Variants in SLCO2B1 observed in about 807,000 individuals in gnomAD.
SLCO2B1 encodes solute carrier organic anion transporter family member 2B1.
Under a neutral mutation model 67.3 loss-of-function variants are expected in SLCO2B1, and 41 were observed. The ratio of observed to expected loss-of-function variants is 0.61; its 90% confidence interval spans 0.47 to 0.79. The LOEUF is 0.79. SLCO2B1 is among the 30% of genes least tolerant of loss of function. The pLI is 0.00. For missense variants in SLCO2B1, 837 were observed against 920.1 expected (o/e 0.91, Z 1.17); for synonymous variants, 379 against 381.4 (o/e 0.99, Z 0.07).
chr11:75,189,423 G>A (rs1210548518), intron 8 of SLCO2B1, among the ~76,000 whole-genome samples: 4 of 152,260 alleles, frequency 2.6e-5, no homozygotes, highest in Admixed American at 6.5e-5. Flanking sequence ...CAAATGAGAC[G>A]AAACATGGAA....
At chr11:75,156,752 T>G (rs1949752023) in intron 1 of SLCO2B1, among the ~76,000 whole-genome samples, 1 of 152,206 alleles carries the variant, frequency 6.6e-6, no homozygotes, top group African/African-American at 2.4e-5. Flanking sequence ...TATTGCCCAT[T>G]TTTATGGTTA....
rs983968748 is a variant in SLCO2B1 at position 75,205,991 on chromosome 11, G to A, written c.*1411G>A. 3 of 152,188 alleles carry A rather than the reference G, an allele frequency of 2.0e-5. No homozygotes were observed. Among genetic ancestry groups the A allele is most frequent in the African/African-American group, 7.2e-5 (3 of 41,448 alleles). 9.4% of individuals were successfully genotyped at this position (152,188 alleles called of 1,614,324 possible). ...CCTTCTGAGCAGCTCCCAGTGCCAG[G>A]GCTTTGAGACTTTCCCACATGATAA... On this transcript the variant is annotated 3_prime_UTR_variant, in exon 14 of 14. Coordinates refer to ENST00000289575, the MANE Select transcript of SLCO2B1 (RefSeq NM_007256.5).
chr11:75,162,685 A>C lies in SLCO2B1; in HGVS notation c.47A>C (p.Asp16Ala), dbSNP rs1290540695. Residue 16 changes from aspartate to alanine, a missense_variant, in exon 2 of 14, where the codon GAC becomes GCC. Asp to Ala is a moderately radical substitution (Grantham distance 126, BLOSUM62 -2). Transcript: ENST00000289575. ...GPAGEVPQVP[D>A]KETKATMGTE... ...GCGGGTGAGGTACCCCAGGTACCAG[A>C]CAAGGAAACCAAAGCCACAATGGGC... The C allele has an allele frequency of 1.2e-6, 2 of 1,613,738 alleles. No individual in the cohort carries two copies. The highest frequency in any genetic ancestry group is 1.3e-5 in the African/African-American group (1 of 74,882).
At chr11:75,169,860 C>A in intron 6 of SLCO2B1, 96 bp downstream of exon 6, 2 of 960,258 alleles carry the variant, frequency 2.1e-6, no homozygotes, top group Non-Finnish European at 3.3e-6. Flanking sequence ...CAAATCCTAG[C>A]AGCACCACTG....
intron 7 of SLCO2B1, among the ~76,000 whole-genome samples, chr11:75,180,107 T>C (rs1390208644): frequency 6.6e-6 from 1 of 152,214 alleles, no homozygotes; most frequent in Non-Finnish European, 1.5e-5. Flanking sequence ...AACCTCTGTC[T>C]CTCGGGCTCA....
In SLCO2B1 at chr11:75,172,389, C is replaced by A; in HGVS notation, c.792C>A (p.Ser264Arg). The A allele has an allele frequency of 1.9e-6, 3 of 1,613,388 alleles. No individual in the cohort carries two copies. ...GCTCTTCTCTTCCAGGTGGTATCAGCCTGACCATAAAGGACCCCCGATGGG... is the reference window on the plus strand; with the variant it reads ...GCTCTTCTCTTCCAGGTGGTATCAGACTGACCATAAAGGACCCCCGATGGG... ...DINQMPEGGISLTIKDPRWVG... is the reference protein window; with the variant it reads ...DINQMPEGGIRLTIKDPRWVG... Residue 264 changes from serine (S) to arginine (R), a missense_variant, in exon 7 of 14, where the codon AGC becomes AGA. Ser to Arg is a moderately radical substitution (Grantham distance 110). Transcript: ENST00000289575.
intron 8 of SLCO2B1, among the ~76,000 whole-genome samples, chr11:75,190,673 G>T (rs1469471390): frequency 6.6e-6 from 1 of 152,188 alleles, no homozygotes; most frequent in Non-Finnish European, 1.5e-5. Flanking sequence ...GGAGGTTCCT[G>T]GGGGAGACAT....
intron 2 of SLCO2B1, 52 bp downstream of exon 2, chr11:75,162,837 C>T: frequency 1.9e-6 from 3 of 1,580,380 alleles, no homozygotes; most frequent in Non-Finnish European, 2.6e-6. Flanking sequence ...GCAGGCTCTG[C>T]CACGTGCTGG....
chr11:75,163,711 G>GT (rs1949851620), intron 2 of SLCO2B1, among the ~76,000 whole-genome samples: 1 of 151,954 alleles, frequency 6.6e-6, no homozygotes. Context: ...AGTTACACCA[G>GT]TAACCATCTC....
chr11:75,198,299 C>A, intron 10 of SLCO2B1, among the ~76,000 whole-genome samples: 1 of 152,204 alleles, frequency 6.6e-6, no homozygotes, highest in East Asian at 1.9e-4. Context: ...TAACTAGTGC[C>A]TCAGTTTCTT....
intron 7 of SLCO2B1, among the ~76,000 whole-genome samples, chr11:75,187,277 C>T (rs1327050321): frequency 6.6e-6 from 1 of 152,160 alleles, no homozygotes; most frequent in Non-Finnish European, 1.5e-5. Flanking sequence ...GATTGTGCCC[C>T]CTCCCTCCAC....
Position 75,200,233 on chromosome 11 carries a change from A to G in SLCO2B1, c.1609A>G (p.Thr537Ala). ...DALDNSQVFY[T>A]NCSCVVEGNP... ...CCTCTTCCCACTCCAGGTTTTCTAC[A>G]CCAACTGCAGCTGCGTGGTGGAGGG... The change falls in exon 11 of 14, where the codon ACC (threonine) becomes GCC (alanine). Residue 537 changes from threonine to alanine, a missense_variant. Coordinates refer to ENST00000289575, the MANE Select transcript of SLCO2B1 (RefSeq NM_007256.5). 4 of 1,611,016 alleles carry G rather than the reference A, an allele frequency of 2.5e-6. No individual in the cohort carries two copies. In the South Asian group the frequency reaches 4.4e-5, roughly 18 times the overall value.
chr11:75,163,957 C>A lies in SLCO2B1; in HGVS notation c.148-6C>A. On this transcript the variant is annotated splice_region_variant and splice_polypyrimidine_tract_variant and intron_variant, in intron 2 of 13. Coordinates refer to ENST00000289575, the MANE Select transcript of SLCO2B1 (RefSeq NM_007256.5). ...CACCTCTGCCTGCCTCCGGGTCCCC[C>A]CACAGCTGTTCGTTCTGTGCCACAG... 1 of 1,595,150 alleles carries A rather than the reference C, an allele frequency of 6.3e-7. No individual in the cohort carries two copies. The highest frequency in any genetic ancestry group is 1.1e-5 in the South Asian group (1 of 87,878).
At chr11:75,151,448 A>G (rs1318458559) in intron 1 of SLCO2B1, 51 bp downstream of exon 1, 2 of 1,602,396 alleles carry the variant, frequency 1.2e-6, no homozygotes, top group Admixed American at 1.7e-5. Context: ...CCTGGGGGAC[A>G]TGTTCCCAGA....
chr11:75,169,930 C>G, intron 6 of SLCO2B1, 166 bp downstream of exon 6: 1 of 602,782 alleles, frequency 1.7e-6, no homozygotes, highest in Non-Finnish European at 3.0e-6. Flanking sequence ...GAGATAATCT[C>G]TGTCCTGTCT....
chr11:75,154,981 A>T lies in SLCO2B1; in HGVS notation c.16+3584A>T, dbSNP rs1003065214. On this transcript the variant is annotated intron_variant, in intron 1 of 13. Coordinates refer to ENST00000289575, the MANE Select transcript of SLCO2B1 (RefSeq NM_007256.5). ...GGCTCCTTGTTTTAGGCATAGAGAG[A>T]CTCTCCCTCCAGGCCCTAGTTGCTA... Among the ~76,000 whole-genome samples, 4 of 151,502 alleles carry T rather than the reference A, an allele frequency of 2.6e-5. No homozygotes were observed. In the East Asian group the frequency reaches 7.8e-4, roughly 29 times the overall value.
chr11:75,192,127 G>A (rs998947303), intron 8 of SLCO2B1, among the ~76,000 whole-genome samples: 8 of 152,000 alleles, frequency 5.3e-5, no homozygotes, highest in Non-Finnish European at 1.0e-4. Context: ...TTAGGCCCTA[G>A]CTCTGTCCCA....
Position 75,196,531 on chromosome 11 carries a change from A to C in SLCO2B1, c.1451A>C (p.Glu484Ala). Residue 484 changes from glutamate (E) to alanine (A), a missense_variant, in exon 10 of 14, where the codon GAG (glutamate) becomes GCG (alanine). Physicochemically the swap from Glu to Ala is moderately radical, Grantham distance 107 (BLOSUM62 -1). Transcript: ENST00000289575. ...CCCACCAGTGCCCACCCTGGGCTGG[A>C]GCTGTCTCCAAGCTGCATGGAGGCC... ...THQTSAHPGL[E>A]LSPSCMEACS... The C allele has an allele frequency of 6.2e-7, 1 of 1,613,788 alleles. No individual in the cohort carries two copies. The highest frequency in any genetic ancestry group is 1.1e-5 in the South Asian group (1 of 91,050).
intron 7 of SLCO2B1, among the ~76,000 whole-genome samples, chr11:75,179,872 G>A (rs1950073614): frequency 6.6e-6 from 1 of 150,800 alleles, no homozygotes; most frequent in African/African-American, 2.4e-5. Context: ...AAGTGGCTGG[G>A]ATTACAGGCT....
Sources: allele counts gnomAD v4.1 joint callset (sites outside exome capture counted in the v4.1 genomes callset), GRCh38; gene constraint gnomAD v4.1.1; transcripts MANE v1.5; gene names NCBI Gene and HGNC (gene_info 2026-07-23, HGNC 2026-07-21).